Variants in CCDC141 observed in about 807,000 individuals in gnomAD.
The protein encoded by CCDC141 is coiled-coil domain-containing protein 141.
CCDC141 carries 168 observed loss-of-function variants against 181.0 expected under a neutral mutation model. That is an observed-to-expected ratio of 0.93 (90% CI 0.82 to 1.05). The LOEUF is 1.05. Among genes scored for constraint, CCDC141 ranks in the 50% least tolerant of loss-of-function variants. CCDC141 has a pLI of 0.00. For missense variants in CCDC141, 1,902 were observed against 1,788.5 expected (o/e 1.06, Z -1.14); for synonymous variants, 666 against 642.3 (o/e 1.04, Z -0.56).
At position 178,982,954 on chromosome 2, in the gene CCDC141, G is replaced by C. The variant is rs1373059761; in HGVS notation, c.226-4279C>G. 1.1e-4 allele frequency among the ~76,000 whole-genome samples: 17 copies of C among 152,338 alleles called. No individual in the cohort carries two copies. In the East Asian group the frequency reaches 2.9e-3, roughly 26 times the overall value. On this transcript the variant is annotated intron_variant, in intron 2 of 23. Transcript: ENST00000443758. ...GCAGCCTGGAAGCTCGAACTGGATG[G>C]AGCCCACCACAGCTCAAGGAGGCCT...
At chr2:178,936,801 G>C (rs1689309243) in intron 6 of CCDC141, among the ~76,000 whole-genome samples, 1 of 151,982 alleles carries the variant, frequency 6.6e-6, no homozygotes, top group South Asian at 2.1e-4. Flanking sequence ...TCATTGTAGA[G>C]ATCTTTCACC....
At chr2:179,035,352 G>A (rs1184988065) in intron 2 of CCDC141, among the ~76,000 whole-genome samples, 1 of 151,990 alleles carries the variant, frequency 6.6e-6, no homozygotes, top group Admixed American at 6.6e-5. Context: ...GTTTTCTTCT[G>A]CCTGTGCCTT....
chr2:178,918,723 C>A lies in CCDC141; in HGVS notation c.1082G>T (p.Ser361Ile). 1 of 1,550,426 alleles carries A rather than the reference C, an allele frequency of 6.4e-7. No homozygotes were observed. Among genetic ancestry groups the A allele is most frequent in the Non-Finnish European group, 8.7e-7 (1 of 1,146,880 alleles). The stretch of plus-strand genomic sequence containing the variant: ...TGACCTCACACTGACCTTGTTAGCA[C>A]TGTTAAAAAATTCATTCGCCTTCTT... Reference protein sequence around the residue: ...WLKKANEFFNSANKAFDVLGR... With the variant: ...WLKKANEFFNIANKAFDVLGR... Residue 361 changes from serine to isoleucine, a missense_variant, in exon 7 of 24, where the codon AGT becomes ATT. Coordinates refer to ENST00000443758, the MANE Select transcript of CCDC141 (RefSeq NM_173648.4).
intron 8 of CCDC141, among the ~76,000 whole-genome samples, chr2:178,894,512 T>G (rs570705409): frequency 6.6e-6 from 1 of 151,500 alleles, no homozygotes; most frequent in African/African-American, 2.4e-5. Context: ...ATCAGAGAGA[T>G]TAAAAAAACC....
At chr2:179,003,520 G>A (rs1442520103) in intron 2 of CCDC141, among the ~76,000 whole-genome samples, 1 of 151,546 alleles carries the variant, frequency 6.6e-6, no homozygotes, top group Non-Finnish European at 1.5e-5. Context: ...TTAGTAAAGT[G>A]CCTCAAATAT....
intron 21 of CCDC141, among the ~76,000 whole-genome samples, chr2:178,849,365 T>A (rs1685069975): frequency 6.6e-6 from 1 of 152,232 alleles, no homozygotes; most frequent in African/African-American, 2.4e-5. Context: ...AGTTGGTATT[T>A]CAAGGCAACT....
chr2:178,842,360 G>A (rs1273652135), intron 22 of CCDC141, among the ~76,000 whole-genome samples: 1 of 151,916 alleles, frequency 6.6e-6, no homozygotes, highest in Admixed American at 6.6e-5. Flanking sequence ...TATATTCCTT[G>A]CCCCTCAAAC....
intron 2 of CCDC141, among the ~76,000 whole-genome samples, chr2:178,986,892 C>A (rs1235920356): frequency 6.6e-6 from 1 of 151,702 alleles, no homozygotes; most frequent in Non-Finnish European, 1.5e-5. Flanking sequence ...GCCATACTGC[C>A]CAAGGTAATT....
intron 4 of CCDC141, among the ~76,000 whole-genome samples, chr2:178,969,585 T>TA (rs755254283): frequency 4.8e-4 from 73 of 152,270 alleles, no homozygotes; most frequent in Non-Finnish European, 9.1e-4. Context: ...CTCTTCATGC[T>TA]AAAAACCCTC....
At chr2:178,947,667 A>G (rs1203334588) in intron 5 of CCDC141, among the ~76,000 whole-genome samples, 1 of 152,174 alleles carries the variant, frequency 6.6e-6, no homozygotes, top group African/African-American at 2.4e-5. Flanking sequence ...GAAAAAGGAA[A>G]GTCAGCAAAG....
intron 13 of CCDC141, 150 bp from the exon 14 acceptor site, chr2:178,871,702 C>T: frequency 1.1e-6 from 1 of 899,898 alleles, no homozygotes; most frequent in Non-Finnish European, 1.7e-6. Context: ...TCTAAACCAC[C>T]AAGAAGTAAG....
At chr2:178,995,400 G>A (rs1206730498) in intron 2 of CCDC141, among the ~76,000 whole-genome samples, 1 of 152,060 alleles carries the variant, frequency 6.6e-6, no homozygotes, top group Non-Finnish European at 1.5e-5. Context: ...AACAGCACGG[G>A]AAAGACCTGC....
the CCDC141 span, among the ~76,000 whole-genome samples, chr2:178,824,490 T>C: frequency 6.6e-6 from 1 of 151,704 alleles, no homozygotes; most frequent in African/African-American, 2.4e-5. Flanking sequence ...AGCATGGTGG[T>C]GTGCACCTGT....
chr2:178,996,710 C>T (rs1392295721), intron 2 of CCDC141, among the ~76,000 whole-genome samples: 1 of 152,148 alleles, frequency 6.6e-6, no homozygotes, highest in Non-Finnish European at 1.5e-5. Context: ...TGGGACTCTC[C>T]CATGACCTCC....
intron 17 of CCDC141, among the ~76,000 whole-genome samples, chr2:178,861,316 A>G (rs576416585): frequency 6.6e-6 from 1 of 152,228 alleles, no homozygotes; most frequent in South Asian, 2.1e-4. Context: ...ACAGGCACAC[A>G]TCACCATGCT....
At chr2:178,845,430 C>T (rs1684892787) in intron 22 of CCDC141, among the ~76,000 whole-genome samples, 196 bp downstream of exon 22, 1 of 152,086 alleles carries the variant, frequency 6.6e-6, no homozygotes, top group South Asian at 2.1e-4. Context: ...TCAGAGGAAA[C>T]AGCACAACAG....
At chr2:178,844,524 T>G (rs1302371532) in intron 22 of CCDC141, among the ~76,000 whole-genome samples, 1 of 152,178 alleles carries the variant, frequency 6.6e-6, no homozygotes, top group East Asian at 1.9e-4. Flanking sequence ...GACCAAAGTT[T>G]GGCAGCTCTC....
chr2:178,867,861 TTTTTC>T (rs1685921992), intron 16 of CCDC141, among the ~76,000 whole-genome samples, 160 bp downstream of exon 16: 1 of 152,164 alleles, frequency 6.6e-6, no homozygotes, highest in South Asian at 2.1e-4. Context: ...TACTTAAAAT[TTTTTC>T]TTTTGTCAGA....
chr2:179,029,693 G>A (rs2042950953), intron 2 of CCDC141, among the ~76,000 whole-genome samples: 1 of 151,972 alleles, frequency 6.6e-6, no homozygotes, highest in Non-Finnish European at 1.5e-5. Context: ...TGGGATTTTT[G>A]GTTAGAAGTA....
Sources: allele counts gnomAD v4.1 joint callset (sites outside exome capture counted in the v4.1 genomes callset), GRCh38; gene constraint gnomAD v4.1.1; transcripts MANE v1.5; gene names NCBI Gene and HGNC (gene_info 2026-07-23, HGNC 2026-07-21).